Variants in PCED1B observed in about 807,000 individuals in gnomAD.
The protein encoded by PCED1B is PC-esterase domain containing 1B.
For synonymous variants in PCED1B, 251 were observed against 246.1 expected (o/e 1.02, Z -0.19); for missense variants, 573 against 573.9 (o/e 1.00, Z 0.02).
At position 47,154,609 on chromosome 12, in the gene PCED1B, T is replaced by C. The variant is rs185670840; in HGVS notation, c.-526+50414T>C. Reference sequence around the variant, plus strand: ...TAACCTACTTATAATCTGGTTCTGCTACCTAAAAGAGTAAATGTATGTGTG... The same window carrying C: ...TAACCTACTTATAATCTGGTTCTGCCACCTAAAAGAGTAAATGTATGTGTG... On this transcript the variant is annotated intron_variant, in intron 2 of 3. Transcript: ENST00000546455. Among the ~76,000 whole-genome samples the C allele has an allele frequency of 2.6e-5, 4 of 152,268 alleles. No individual in the cohort carries two copies. In the East Asian group the frequency reaches 7.7e-4, roughly 29 times the overall value.
chr12:47,148,177 A>G (rs1940861341), intron 2 of PCED1B, among the ~76,000 whole-genome samples: 1 of 152,204 alleles, frequency 6.6e-6, no homozygotes, highest in Non-Finnish European at 1.5e-5. Flanking sequence ...CATTTTCACA[A>G]TAATGAACCA....
intron 2 of PCED1B, among the ~76,000 whole-genome samples, chr12:47,137,730 TAA>T (rs71077122): frequency 8.0e-4 from 79 of 98,150 alleles, no homozygotes; most frequent in Non-Finnish European, 1.1e-3. Flanking sequence ...AGGCCCTGTC[TAA>T]AAAAAAAAAA....
At chr12:47,166,156 C>T (rs986016535) in intron 2 of PCED1B, among the ~76,000 whole-genome samples, 2 of 152,134 alleles carry the variant, frequency 1.3e-5, no homozygotes, top group Non-Finnish European at 2.9e-5. Context: ...AAGACTTGGC[C>T]CCTGTCTCCC....
chr12:47,201,370 G>C (rs940146231), intron 2 of PCED1B, among the ~76,000 whole-genome samples: 3 of 152,090 alleles, frequency 2.0e-5, no homozygotes, highest in Non-Finnish European at 4.4e-5. Flanking sequence ...GATGTGCTGG[G>C]AGTCAGCTTG....
At chr12:47,181,794 C>CT (rs1233134725) in intron 2 of PCED1B, among the ~76,000 whole-genome samples, 4 of 151,684 alleles carry the variant, frequency 2.6e-5, no homozygotes, top group Admixed American at 2.0e-4. Context: ...AACAATTCAA[C>CT]TTTTTGTCAG....
intron 3 of PCED1B, among the ~76,000 whole-genome samples, chr12:47,219,662 G>A (rs914044309): frequency 3.3e-5 from 5 of 152,148 alleles, no homozygotes; most frequent in South Asian, 2.1e-4. Context: ...GATGAAAATC[G>A]AACTAAGTTA....
intron 2 of PCED1B, among the ~76,000 whole-genome samples, chr12:47,179,615 G>A (rs141185775): frequency 1.5e-4 from 23 of 152,302 alleles, no homozygotes; most frequent in African/African-American, 5.5e-4. Flanking sequence ...ATATTATGTT[G>A]ATGATTACAG....
chr12:47,141,639 C>G (rs1434876078), intron 2 of PCED1B, among the ~76,000 whole-genome samples: 1 of 152,170 alleles, frequency 6.6e-6, no homozygotes, highest in Non-Finnish European at 1.5e-5. Flanking sequence ...ACATGCCCAT[C>G]CATGCCTTGA....
At chr12:47,173,411 G>A (rs1347055163) in intron 2 of PCED1B, among the ~76,000 whole-genome samples, 2 of 152,082 alleles carry the variant, frequency 1.3e-5, no homozygotes, top group East Asian at 1.9e-4. Flanking sequence ...CCGCCACCAC[G>A]CCCAGCTAAT....
chr12:47,198,456 C>A (rs1335104775), intron 2 of PCED1B, among the ~76,000 whole-genome samples: 2 of 152,094 alleles, frequency 1.3e-5, no homozygotes, highest in African/African-American at 4.8e-5. Context: ...CATGCTTAAT[C>A]TTAGGAAACT....
chr12:47,170,346 C>G (rs1941684754), intron 2 of PCED1B, among the ~76,000 whole-genome samples: 1 of 152,220 alleles, frequency 6.6e-6, no homozygotes, highest in African/African-American at 2.4e-5. Flanking sequence ...CACATTTCCC[C>G]CTTTGCTATT....
In PCED1B at chr12:47,132,125, C is replaced by T. The variant is rs527926213; in HGVS notation, c.-526+27930C>T. Among the ~76,000 whole-genome samples, 6 of 152,256 alleles carry T rather than the reference C, an allele frequency of 3.9e-5. No homozygotes were observed. In the East Asian group the frequency reaches 9.7e-4, roughly 24 times the overall value. The stretch of plus-strand genomic sequence containing the variant: ...CAGTGCTTTTTGTTTTTTAAAAAAA[C>T]ACTAACTGGCTGCCAGTAGTCATGT... On this transcript the variant is annotated intron_variant, in intron 2 of 3. Transcript: ENST00000546455.
chr12:47,179,191 T>C (rs1191502581), intron 2 of PCED1B, among the ~76,000 whole-genome samples: 1 of 152,208 alleles, frequency 6.6e-6, no homozygotes, highest in African/African-American at 2.4e-5. Flanking sequence ...GCTTCTGATC[T>C]TCTACATCTC....
chr12:47,120,539 T>C (rs974811803), intron 2 of PCED1B, among the ~76,000 whole-genome samples: 2 of 152,138 alleles, frequency 1.3e-5, no homozygotes, highest in East Asian at 1.9e-4. Context: ...CAGTGGCTCA[T>C]GCCTGTAATC....
chr12:47,225,121 G>A (rs770030834), intron 3 of PCED1B, among the ~76,000 whole-genome samples: 26 of 152,068 alleles, frequency 1.7e-4, no homozygotes, highest in Non-Finnish European at 3.1e-4. Context: ...TGGTACAGAC[G>A]GGGTTTTGCC....
chr12:47,221,482 A>G (rs1943476630), intron 3 of PCED1B, among the ~76,000 whole-genome samples: 1 of 152,002 alleles, frequency 6.6e-6, no homozygotes, highest in East Asian at 1.9e-4. Flanking sequence ...CCCCGCCAAC[A>G]TGAAAATTTT....
intron 3 of PCED1B, among the ~76,000 whole-genome samples, chr12:47,226,329 C>G (rs937949715): frequency 6.6e-6 from 1 of 152,174 alleles, no homozygotes; most frequent in Non-Finnish European, 1.5e-5. Flanking sequence ...TAGCAGCCAG[C>G]TCTTTAAGTG....
intron 3 of PCED1B, among the ~76,000 whole-genome samples, chr12:47,228,897 A>T (rs1345881835): frequency 6.6e-6 from 1 of 151,188 alleles, no homozygotes; most frequent in Non-Finnish European, 1.5e-5. Context: ...TACCTCATGA[A>T]GAGGTAATGT....
At chr12:47,083,103 GC>G (rs990545317) in intron 1 of PCED1B, among the ~76,000 whole-genome samples, 57 of 151,012 alleles carry the variant, frequency 3.8e-4, no homozygotes, top group African/African-American at 1.3e-3. Flanking sequence ...AGGAGTTCTA[GC>G]CCTGTAATTT....
Sources: gnomAD v4.1 joint callset for allele counts (sites outside exome capture counted in the v4.1 genomes callset) on GRCh38, gnomAD v4.1.1 for gene constraint, MANE v1.5 for transcripts, NCBI Gene and HGNC (gene_info 2026-07-23, HGNC 2026-07-21) for gene names.